Variants in RBFOX2 observed in about 807,000 individuals in gnomAD.
The protein encoded by RBFOX2 is RNA binding fox-1 homolog 2.
RBFOX2 carries 10 observed loss-of-function variants against 49.1 expected under a neutral mutation model. The observed-to-expected ratio is 0.20, with a 90% CI of 0.13 to 0.35. The LOEUF is 0.35. RBFOX2 is among the 10% of genes least tolerant of loss of function. RBFOX2 has a pLI of 1.00. For missense variants in RBFOX2, 323 were observed against 486.9 expected (o/e 0.66, Z 3.17); for synonymous variants, 183 against 187.4 (o/e 0.98, Z 0.19).
At chr22:36,021,129 A>C (rs2059229545) in intron 1 of RBFOX2, among the ~76,000 whole-genome samples, 1 of 151,834 alleles carries the variant, frequency 6.6e-6, no homozygotes, top group East Asian at 1.9e-4. Flanking sequence ...CATCATTCTG[A>C]GCAAACTATC....
intron 1 of RBFOX2, among the ~76,000 whole-genome samples, chr22:36,003,455 A>G (rs534617601): frequency 3.3e-5 from 5 of 152,324 alleles, no homozygotes; most frequent in Middle Eastern, 3.4e-3. Context: ...AAAAAGGGGG[A>G]AAAAATTAGA....
chr22:35,809,830 G>T (rs780457242), exon 2 of RBFOX2: 1 of 1,614,014 alleles, frequency 6.2e-7, no homozygotes, highest in Non-Finnish European at 8.5e-7. Flanking sequence ...TGCTCCCCGT[G>T]GGCTTGCGTA....
In RBFOX2 at chr22:35,759,426, A is replaced by C. The variant is rs1937921342; in HGVS notation, c.887+462T>G. ...TGGGTAACTAGCTCTGCTGCTCACC[A>C]CCCAGGCAGTGAAACCAAAGGGGAG... is the stretch of plus-strand genomic sequence containing the variant. On this transcript the variant is annotated intron_variant, in intron 9 of 11. Coordinates refer to ENST00000405409, the Ensembl canonical transcript of RBFOX2. The surrounding 1 kb of genome is among the most constrained non-coding windows in gnomAD (Gnocchi z 4.6). Among the ~76,000 whole-genome samples, 1 of 152,166 alleles carries C rather than the reference A, an allele frequency of 6.6e-6. No individual in the cohort carries two copies. Among genetic ancestry groups the C allele is most frequent in the African/African-American group, 2.4e-5 (1 of 41,434 alleles).
rs189661100 is a variant in RBFOX2 at position 35,746,110 on chromosome 22, A to T, written c.977-115T>A. On this transcript the variant is annotated intron_variant, in intron 10 of 11. Coordinates refer to ENST00000405409, the Ensembl canonical transcript of RBFOX2. Reference sequence around the variant, plus strand: ...CACTTGGTCTTGGATTATCATAAGGAAACTGGAATTACAAGGAATAGGAAA... The same window carrying T: ...CACTTGGTCTTGGATTATCATAAGGTAACTGGAATTACAAGGAATAGGAAA... The T allele has an allele frequency of 1.7e-4, 156 of 906,916 alleles. 4 individuals are homozygous for T. The East Asian group carries it at 2.4e-3, about 14-fold the overall frequency. 56.2% of individuals were successfully genotyped at this position (906,916 alleles called of 1,614,324 possible). A position where few individuals can be genotyped will look rare whatever the true frequency, so the allele number is the denominator to read the frequency against.
chr22:35,887,417 C>A (rs764135643), intron 1 of RBFOX2, among the ~76,000 whole-genome samples: 12 of 152,182 alleles, frequency 7.9e-5, no homozygotes, highest in Non-Finnish European at 1.8e-4. Flanking sequence ...GCAAACTCCT[C>A]TACACACTCA....
intron 1 of RBFOX2, among the ~76,000 whole-genome samples, chr22:35,980,293 T>C (rs2057395419): frequency 6.6e-6 from 1 of 152,154 alleles, no homozygotes; most frequent in Non-Finnish European, 1.5e-5. Flanking sequence ...TATTTGGGGA[T>C]CTCCAACTAT....
At chr22:35,882,257 A>G (rs767000194) in intron 1 of RBFOX2, among the ~76,000 whole-genome samples, 8 of 152,180 alleles carry the variant, frequency 5.3e-5, no homozygotes, top group Non-Finnish European at 1.2e-4. Context: ...TTAGAGAACG[A>G]AGTGATCAGT....
At chr22:35,909,809 C>T (rs1002068561) in intron 1 of RBFOX2, among the ~76,000 whole-genome samples, 13 of 152,166 alleles carry the variant, frequency 8.5e-5, no homozygotes, top group Non-Finnish European at 1.6e-4. Context: ...AGACAGGTTT[C>T]GCCATGTTGG....
intron 1 of RBFOX2, among the ~76,000 whole-genome samples, chr22:36,003,801 T>C (rs984993379): frequency 6.6e-6 from 1 of 152,196 alleles, no homozygotes; most frequent in Non-Finnish European, 1.5e-5. Flanking sequence ...AGTGGAAGAA[T>C]AAATGGATGT....
chr22:36,013,042 G>A (rs897041825), intron 1 of RBFOX2, among the ~76,000 whole-genome samples: 3 of 152,112 alleles, frequency 2.0e-5, no homozygotes, highest in South Asian at 2.1e-4. Flanking sequence ...GGGATTACAG[G>A]TGTGAGCCAC....
At chr22:35,980,776 A>AGTTTAGC (rs1445710115) in intron 1 of RBFOX2, among the ~76,000 whole-genome samples, 1 of 152,202 alleles carries the variant, frequency 6.6e-6, no homozygotes, top group East Asian at 1.9e-4. Context: ...GAGAACTTAC[A>AGTTTAGC]GTTTAGCAGG....
At chr22:35,862,497 G>C (rs1219260335) in intron 1 of RBFOX2, among the ~76,000 whole-genome samples, 2 of 151,994 alleles carry the variant, frequency 1.3e-5, no homozygotes, top group Non-Finnish European at 2.9e-5. Context: ...GTCTAGATTA[G>C]CCCCCTGCTA....
intron 4 of RBFOX2, among the ~76,000 whole-genome samples, chr22:35,772,251 T>C (rs1421958156): frequency 6.6e-6 from 1 of 152,182 alleles, no homozygotes; most frequent in Non-Finnish European, 1.5e-5. Flanking sequence ...GATTTTGACA[T>C]GTTTGTCTAC....
intron 9 of RBFOX2, among the ~76,000 whole-genome samples, chr22:35,750,021 G>A (rs2145918652): frequency 6.6e-6 from 1 of 152,258 alleles, no homozygotes; most frequent in South Asian, 2.1e-4. Context: ...TTACTAGAGC[G>A]TGCAGCCACA....
At chr22:35,927,695 G>A (rs1439793438) in intron 1 of RBFOX2, among the ~76,000 whole-genome samples, 2 of 151,352 alleles carry the variant, frequency 1.3e-5, no homozygotes, top group African/African-American at 2.4e-5. Flanking sequence ...AAATTGTAGC[G>A]AGCCTTGAAT....
chr22:35,814,984 A>G (rs1220486626), intron 1 of RBFOX2, among the ~76,000 whole-genome samples: 1 of 152,206 alleles, frequency 6.6e-6, no homozygotes, highest in Non-Finnish European at 1.5e-5. Context: ...CCACAGATGC[A>G]GAACCCGTGG....
chr22:35,938,881 G>A (rs2053399361), exon 1 of RBFOX2: 2 of 1,613,778 alleles, frequency 1.2e-6, no homozygotes. Context: ...ATGATAACCT[G>A]GAGTCAGAGG....
At chr22:35,758,027 C>G (rs779789239) in intron 9 of RBFOX2, among the ~76,000 whole-genome samples, 16 of 152,136 alleles carry the variant, frequency 1.1e-4, no homozygotes, top group Non-Finnish European at 2.1e-4. Context: ...CCAATATTCC[C>G]TGTATCAAAT....
chr22:35,750,725 A>G (rs1006002231), intron 9 of RBFOX2, among the ~76,000 whole-genome samples: 1 of 152,244 alleles, frequency 6.6e-6, no homozygotes, highest in Non-Finnish European at 1.5e-5. Flanking sequence ...CACTGGCAAT[A>G]TAATTCAGTC....
Sources: gnomAD v4.1 joint callset for allele counts (sites outside exome capture counted in the v4.1 genomes callset) on GRCh38, gnomAD v4.1.1 for gene constraint, Gnocchi (gnomAD v3.1) non-coding constraint, MANE v1.5 for transcripts, NCBI Gene and HGNC (gene_info 2026-07-23, HGNC 2026-07-21) for gene names.